The following COL22A1 variants were observed in gnomAD, a reference collection of about 807,000 sequenced individuals.
COL22A1 encodes collagen alpha-1(XXII) chain.
COL22A1 carries 221 observed loss-of-function variants against 248.9 expected under a neutral mutation model. That is an observed-to-expected ratio of 0.89 (90% CI 0.80 to 0.99). The LOEUF is 0.99. COL22A1 is among the 50% of genes least tolerant of loss of function. The pLI is 0.00. For synonymous variants in COL22A1, 891 were observed against 793.4 expected, an observed-to-expected ratio of 1.12 and a Z score of -2.07; for missense variants, 2,240 against 2,179.0, an observed-to-expected ratio of 1.03 and a Z score of -0.56.
Position 138,869,864 on chromosome 8 carries a change from G to A in COL22A1, c.658+7886C>T, listed in dbSNP as rs528829591. Among the ~76,000 whole-genome samples the A allele has an allele frequency of 4.6e-5, 7 of 152,272 alleles. No homozygotes were observed. In the South Asian group the frequency reaches 1.0e-3, roughly 23 times the overall value. ...CTGCTGCCCATCCCTCCCAGCCTTC[G>A]GGTCCACCCAGAGGGAACAGCTGGG... On this transcript the variant is annotated intron_variant, in intron 3 of 64. Coordinates refer to ENST00000303045, the MANE Select transcript of COL22A1 (RefSeq NM_152888.3).
chr8:138,735,275 A>G (rs1831020078), intron 23 of COL22A1, among the ~76,000 whole-genome samples: 1 of 152,196 alleles, frequency 6.6e-6, no homozygotes, highest in Non-Finnish European at 1.5e-5. Context: ...CAGTGGCCCC[A>G]TCCAGGCCAC....
Position 138,616,036 on chromosome 8 carries a change from C to T in COL22A1, c.3889G>A (p.Gly1297Arg). 1 of 1,613,530 alleles carries T rather than the reference C, an allele frequency of 6.2e-7. No homozygotes were observed. Among genetic ancestry groups the T allele is most frequent in the Non-Finnish European group, 8.5e-7 (1 of 1,179,668 alleles). The change falls in exon 55 of 65, where the codon GGG (glycine) becomes AGG (arginine). Residue 1297 changes from glycine to arginine, a missense_variant. Coordinates refer to ENST00000303045, the MANE Select transcript of COL22A1 (RefSeq NM_152888.3). ...GGTAACCCTTCCTGACCAGGAAGCC[C>T]CATGGCACCAGACTCTCCCTAGGAA... is the stretch of plus-strand genomic sequence containing the variant. ...PGPRGESGAM[G>R]LPGQEGLPGK...
At chr8:138,632,791 A>G (rs1820839503) in intron 49 of COL22A1, among the ~76,000 whole-genome samples, 1 of 152,244 alleles carries the variant, frequency 6.6e-6, no homozygotes, top group Non-Finnish European at 1.5e-5. Context: ...AGGGAGAGTG[A>G]TAATATTTTA....
Position 138,831,497 on chromosome 8 carries a change from G to A in COL22A1, c.845+1542C>T, listed in dbSNP as rs140659516. ...CATTCTGTACAGAAGTACAAATTGGGAGGAGGGTAGGTAAGGGGAAGGCCT... is the reference window on the plus strand; with the variant it reads ...CATTCTGTACAGAAGTACAAATTGGAAGGAGGGTAGGTAAGGGGAAGGCCT... On this transcript the variant is annotated intron_variant, in intron 5 of 64. Transcript: ENST00000303045. 2.2e-3 allele frequency among the ~76,000 whole-genome samples: 328 copies of A among 152,300 alleles called. 4 individuals are homozygous for A. The highest frequency in any genetic ancestry group is 7.6e-3 in the African/African-American group (314 of 41,574).
chr8:138,645,324 G>T (rs1408185147), intron 47 of COL22A1, among the ~76,000 whole-genome samples: 1 of 152,112 alleles, frequency 6.6e-6, no homozygotes, highest in Non-Finnish European at 1.5e-5. Flanking sequence ...TCCCATAAAG[G>T]GAGTCTCCCT....
Position 138,588,970 on chromosome 8 carries a change from C to A in COL22A1, c.*283G>T, listed in dbSNP as rs917425356. The A allele has an allele frequency of 1.4e-4, 37 of 261,500 alleles. No individual in the cohort carries two copies. The highest frequency in any genetic ancestry group is 2.3e-4 in the Non-Finnish European group (33 of 141,058). 16.2% of individuals were successfully genotyped at this position (261,500 alleles called of 1,614,324 possible). ...TCCTGCCCCACGAATCAAGTTTTCC[C>A]AACTTTAAAGGAGTGGAAAAGAACT... On this transcript the variant is annotated 3_prime_UTR_variant, in exon 65 of 65. Transcript: ENST00000303045.
chr8:138,873,590 A>G (rs945048131), intron 3 of COL22A1, among the ~76,000 whole-genome samples: 1 of 152,214 alleles, frequency 6.6e-6, no homozygotes, highest in Non-Finnish European at 1.5e-5. Flanking sequence ...AAATGCATAT[A>G]TAAAATTACA....
chr8:138,611,328 CTG>C (rs1381994888), intron 56 of COL22A1, among the ~76,000 whole-genome samples: 2 of 152,202 alleles, frequency 1.3e-5, no homozygotes, highest in African/African-American at 4.8e-5. Context: ...GATGAGAAAA[CTG>C]AGTCCTGGGA....
chr8:138,703,456 TTCTGCA>T, intron 30 of COL22A1, 109 bp from the exon 31 acceptor site: 9 of 1,026,452 alleles, frequency 8.8e-6, no homozygotes, highest in South Asian at 1.3e-5. Context: ...AGGTGTTGTC[TTCTGCA>T]GGGTGCAGGT....
intron 22 of COL22A1, among the ~76,000 whole-genome samples, chr8:138,746,066 G>A (rs756128333): frequency 2.0e-5 from 3 of 152,218 alleles, no homozygotes; most frequent in Non-Finnish European, 4.4e-5. Context: ...AGCGTGCCTC[G>A]CTCTCAATTC....
chr8:138,873,746 T>C (rs2132023389), intron 3 of COL22A1, among the ~76,000 whole-genome samples: 1 of 152,206 alleles, frequency 6.6e-6, no homozygotes, highest in African/African-American at 2.4e-5. Context: ...AATGTGCTTG[T>C]TGAATGAATG....
At chr8:138,728,927 G>A (rs774784678) in intron 23 of COL22A1, among the ~76,000 whole-genome samples, 1 of 151,988 alleles carries the variant, frequency 6.6e-6, no homozygotes. Flanking sequence ...GGCCAGCTCC[G>A]TATTCCATCA....
intron 49 of COL22A1, among the ~76,000 whole-genome samples, chr8:138,632,541 C>T (rs1004713768): frequency 6.6e-6 from 1 of 152,174 alleles, no homozygotes; most frequent in African/African-American, 2.4e-5. Flanking sequence ...GATGTCTTTC[C>T]AGCAGCCTTT....
intron 56 of COL22A1, among the ~76,000 whole-genome samples, chr8:138,609,068 G>T (rs144154760): frequency 6.6e-6 from 1 of 152,358 alleles, no homozygotes; most frequent in East Asian, 1.9e-4. Context: ...TCACAAATGC[G>T]TTGGATTCAC....
Position 138,625,886 on chromosome 8 carries a change from A to G in COL22A1, c.3717+304T>C, listed in dbSNP as rs374299415. On this transcript the variant is annotated intron_variant, in intron 51 of 64. Coordinates refer to ENST00000303045, the MANE Select transcript of COL22A1 (RefSeq NM_152888.3). ...TGTGTGTGTGTTTTGTTTTAACAAT[A>G]TAAACATATATATACAAGTACACAT... Among the ~76,000 whole-genome samples the G allele has an allele frequency of 1.1e-4, 17 of 152,374 alleles. No individual in the cohort carries two copies. The East Asian group carries it at 2.1e-3, about 19-fold the overall frequency.
Position 138,591,434 on chromosome 8 carries a change from AG to A in COL22A1, c.4682del (p.Pro1561LeufsTer63). ...CAGAATGAGTCATACCTGGGATTCC[AG>A]GGGGTCCCATCTCGCCTCGGAGGCC... ...GVGLRGEMGP[P>X]GIPGQPGEPG... On this transcript the variant is annotated frameshift_variant, in exon 64 of 65. Transcript: ENST00000303045. LOFTEE classifies it high-confidence loss of function. 1.9e-6 allele frequency: 3 copies of A among 1,579,810 alleles called. No individual in the cohort carries two copies. Among genetic ancestry groups the A allele is most frequent in the Non-Finnish European group, 2.6e-6 (3 of 1,162,858 alleles).
At chr8:138,612,371 C>T (rs578127496) in intron 56 of COL22A1, among the ~76,000 whole-genome samples, 125 of 152,244 alleles carry the variant, frequency 8.2e-4, no homozygotes, top group African/African-American at 2.7e-3. Flanking sequence ...GGACCTTCTC[C>T]ATCCTCTCAG....
chr8:138,883,273 G>T, intron 1 of COL22A1, 29 bp from the exon 2 acceptor site: 1 of 1,227,972 alleles, frequency 8.1e-7, no homozygotes, highest in Non-Finnish European at 1.1e-6. Context: ...CCTTAGAGAA[G>T]GCTCTCAAGC....
At chr8:138,780,089 C>T (rs763633604) in intron 13 of COL22A1, among the ~76,000 whole-genome samples, 1 of 152,198 alleles carries the variant, frequency 6.6e-6, no homozygotes, top group Non-Finnish European at 1.5e-5. Context: ...CTCCTACTCA[C>T]TTCTGTGGCT....
Sources: gnomAD v4.1 joint callset for allele counts (sites outside exome capture counted in the v4.1 genomes callset) on GRCh38, gnomAD v4.1.1 for gene constraint, MANE v1.5 for transcripts, NCBI Gene and HGNC (gene_info 2026-07-23, HGNC 2026-07-21) for gene names.